Variants in NCKAP1 observed in about 807,000 individuals in gnomAD.
The protein encoded by NCKAP1 is NCK associated protein 1.
Under a neutral mutation model 151.2 loss-of-function variants are expected in NCKAP1, and 21 were observed. That is an observed-to-expected ratio of 0.14 (90% CI 0.10 to 0.20). The LOEUF is 0.20. Among genes scored for constraint, NCKAP1 ranks in the 10% least tolerant of loss-of-function variants. The pLI is 1.00. For synonymous variants in NCKAP1, 484 were observed against 451.8 expected (o/e 1.07, Z -0.90); for missense variants, 933 against 1,352.1 (o/e 0.69, Z 4.86).
At chr2:182,925,959 A>G in intron 30 of NCKAP1, 141 bp from the exon 31 acceptor site, 1 of 422,628 alleles carries the variant, frequency 2.4e-6, no homozygotes, top group African/African-American at 2.1e-5. Context: ...CAATAGACAC[A>G]TATTATTTTC....
intron 1 of NCKAP1, among the ~76,000 whole-genome samples, chr2:183,028,294 CCT>C (rs1435687114): frequency 3.3e-5 from 5 of 151,936 alleles, no homozygotes; most frequent in South Asian, 2.1e-4. Flanking sequence ...CCCCAAGTAC[CCT>C]GTTTTACTTT....
chr2:183,027,011 CA>C (rs1273237560), intron 1 of NCKAP1, among the ~76,000 whole-genome samples: 2 of 152,162 alleles, frequency 1.3e-5, no homozygotes, highest in Non-Finnish European at 2.9e-5. Flanking sequence ...CTCTCTCAAT[CA>C]AATATTTCCT....
At position 182,976,270 on chromosome 2, in the gene NCKAP1, T is replaced by C. The variant is rs115328007; in HGVS notation, c.1482+623A>G. On this transcript the variant is annotated intron_variant, in intron 15 of 30. Transcript: ENST00000361354. The stretch of plus-strand genomic sequence containing the variant: ...GCATTCTTAATGCCTTTAGGAACTA[T>C]TTATATGAGACATATATTAAATGAA... Among the ~76,000 whole-genome samples, 434 of 152,374 alleles carry C rather than the reference T, an allele frequency of 2.8e-3. 2 individuals are homozygous for C. The highest frequency in any genetic ancestry group is 9.0e-3 in the African/African-American group (374 of 41,592).
chr2:182,992,363 C>T (rs1377493317), intron 8 of NCKAP1, among the ~76,000 whole-genome samples: 13 of 152,156 alleles, frequency 8.5e-5, no homozygotes, highest in Admixed American at 8.5e-4. Flanking sequence ...TCTCCATGCC[C>T]ATATATTCCC....
chr2:183,009,495 CA>C (rs1698550601), intron 2 of NCKAP1, among the ~76,000 whole-genome samples: 1 of 151,674 alleles, frequency 6.6e-6, no homozygotes, highest in South Asian at 2.1e-4. Flanking sequence ...AGCAAGCAGG[CA>C]AGCAAGCAAG....
intron 1 of NCKAP1, among the ~76,000 whole-genome samples, chr2:183,030,862 A>G (rs1373724613): frequency 6.6e-6 from 1 of 152,208 alleles, no homozygotes; most frequent in Non-Finnish European, 1.5e-5. Context: ...CAAGAGCAAA[A>G]TAAGACTCAA....
chr2:183,031,421 G>T (rs895262378), intron 1 of NCKAP1, among the ~76,000 whole-genome samples: 2 of 152,114 alleles, frequency 1.3e-5, no homozygotes, highest in African/African-American at 4.8e-5. Context: ...AAAAGAAATT[G>T]TTATTTAAAG....
rs2105821997 is a variant in NCKAP1, at chr2:182,952,480, T to G, written c.2526A>C (p.Leu842=). 1 of 1,604,994 alleles carries G rather than the reference T, an allele frequency of 6.2e-7. No individual in the cohort carries two copies. The highest frequency in any genetic ancestry group is 2.2e-5 in the East Asian group (1 of 44,662). ...GAAACTTCATACCATATGGGCCTAG[T>G]AGTTCTGATAATGACCTCATTTCTG... is the stretch of plus-strand genomic sequence containing the variant. ...DISEMRSLSE[L]LGPYGMKFLS... is the part of the protein sequence containing the mutation. Residue 842 remains leucine (L), a synonymous_variant, in exon 23 of 31, where the codon CTA becomes CTC. Coordinates refer to ENST00000361354, the MANE Select transcript of NCKAP1 (RefSeq NM_013436.5).
rs1696590518 is a variant in NCKAP1, at chr2:182,923,858, C to T, written c.*1844G>A. 6.6e-6 allele frequency: 1 copy of T among 152,116 alleles called. No individual in the cohort carries two copies. 9.4% of individuals were successfully genotyped at this position (152,116 alleles called of 1,614,324 possible). A position where few individuals can be genotyped will look rare whatever the true frequency, so the allele number is the denominator to read the frequency against. ...TTTGCTGTATGAGAAAAAATTTGGA[C>T]AAAAACTTCAGGTGACTATGAGGAG... On this transcript the variant is annotated 3_prime_UTR_variant, in exon 31 of 31. Coordinates refer to ENST00000361354, the MANE Select transcript of NCKAP1 (RefSeq NM_013436.5).
chr2:183,014,474 A>G (rs1698646614), intron 2 of NCKAP1, among the ~76,000 whole-genome samples: 1 of 152,172 alleles, frequency 6.6e-6, no homozygotes, highest in Non-Finnish European at 1.5e-5. Context: ...CTCCTTTAAA[A>G]AAATAAAGCA....
chr2:183,001,482 AAAT>A lies in NCKAP1; in HGVS notation c.603+468_603+470del, dbSNP rs1575058193. On this transcript the variant is annotated intron_variant, in intron 6 of 30. Transcript: ENST00000361354. ...ATTTTTTGAGACTATAATAAAGTTAAAATTTATCAAACACTGTACTTTTTAATG... is the reference window on the plus strand; with the variant it reads ...ATTTTTTGAGACTATAATAAAGTTAATTATCAAACACTGTACTTTTTAATG... Among the ~76,000 whole-genome samples the A allele has an allele frequency of 3.3e-5, 5 of 152,238 alleles. No homozygotes were observed. The South Asian group carries it at 6.2e-4, about 19-fold the overall frequency.
intron 24 of NCKAP1, among the ~76,000 whole-genome samples, chr2:182,940,866 C>T (rs887485921): frequency 2.0e-5 from 3 of 152,244 alleles, no homozygotes; most frequent in African/African-American, 7.2e-5. Context: ...AAATCTCCCT[C>T]ATTGCTTTCC....
intron 2 of NCKAP1, among the ~76,000 whole-genome samples, chr2:183,018,119 C>T (rs963482899): frequency 6.6e-6 from 1 of 151,976 alleles, no homozygotes; most frequent in African/African-American, 2.4e-5. Context: ...TGGTGGCAGG[C>T]ACCTGTAATC....
chr2:183,026,558 C>G (rs375340644), intron 1 of NCKAP1, among the ~76,000 whole-genome samples: 1 of 151,694 alleles, frequency 6.6e-6, no homozygotes, highest in Non-Finnish European at 1.5e-5. Context: ...ATTGATTTAC[C>G]TTTTCCACAC....
chr2:182,955,619 G>A (rs760214367), intron 20 of NCKAP1, among the ~76,000 whole-genome samples: 4 of 152,066 alleles, frequency 2.6e-5, no homozygotes, highest in Non-Finnish European at 5.9e-5. Flanking sequence ...ACATGTAAGG[G>A]TTCATCTAGT....
chr2:183,028,851 C>T (rs1156654192), intron 1 of NCKAP1, among the ~76,000 whole-genome samples: 1 of 151,982 alleles, frequency 6.6e-6, no homozygotes, highest in African/African-American at 2.4e-5. Flanking sequence ...CAGTGGCTCA[C>T]GCCTGTAATC....
At chr2:182,959,622 G>A (rs935222525) in intron 18 of NCKAP1, among the ~76,000 whole-genome samples, 1 of 152,096 alleles carries the variant, frequency 6.6e-6, no homozygotes, top group Non-Finnish European at 1.5e-5. Flanking sequence ...CAAACCCACA[G>A]CCAATATTAT....
At chr2:183,015,076 G>T (rs1424792821) in intron 2 of NCKAP1, among the ~76,000 whole-genome samples, 4 of 152,182 alleles carry the variant, frequency 2.6e-5, no homozygotes, top group Non-Finnish European at 4.4e-5. Flanking sequence ...ATGCTCATTG[G>T]CAGCCTCATT....
At chr2:183,020,707 C>T (rs1195988660) in intron 2 of NCKAP1, among the ~76,000 whole-genome samples, 1 of 152,012 alleles carries the variant, frequency 6.6e-6, no homozygotes, top group African/African-American at 2.4e-5. Context: ...ATATCAATAC[C>T]ACTTCTACAG....
Sources: allele counts gnomAD v4.1 joint callset (sites outside exome capture counted in the v4.1 genomes callset), GRCh38; gene constraint gnomAD v4.1.1; transcripts MANE v1.5; gene names NCBI Gene and HGNC (gene_info 2026-07-23, HGNC 2026-07-21).